Variants in HSD17B6 observed in about 807,000 individuals in gnomAD.
The protein encoded by HSD17B6 is 17-beta-hydroxysteroid dehydrogenase type 6.
Under a neutral mutation model 26.4 loss-of-function variants are expected in HSD17B6, and 16 were observed. That is an observed-to-expected ratio of 0.61 (90% CI 0.41 to 0.92). The LOEUF is 0.92. Among genes scored for constraint, HSD17B6 ranks in the 40% least tolerant of loss-of-function variants. The probability of loss-of-function intolerance (pLI) is 0.00; values close to 1 mark genes in which losing one functional copy is unlikely to be tolerated. For synonymous variants in HSD17B6, 139 were observed against 153.0 expected, an observed-to-expected ratio of 0.91 and a Z score of 0.68; for missense variants, 357 against 386.1, an observed-to-expected ratio of 0.92 and a Z score of 0.63.
At chr12:56,772,681 G>A (rs965765315) in intron 1 of HSD17B6, among the ~76,000 whole-genome samples, 1 of 137,022 alleles carries the variant, frequency 7.3e-6, no homozygotes, top group African/African-American at 2.7e-5. Flanking sequence ...TGGGCAAAAA[G>A]AGTGAAACTC....
At chr12:56,784,704 CGAGGGAGAGGGA>C (rs537252255) in intron 3 of HSD17B6, 137 bp from the exon 4 acceptor site, 18 of 751,544 alleles carry the variant, frequency 2.4e-5, no homozygotes, top group African/African-American at 1.4e-4. Context: ...GAGAGGGAGA[CGAGGGAGAGGGA>C]GAGGGAGAGG....
chr12:56,782,268 C>T (rs780928315), intron 3 of HSD17B6, 36 bp downstream of exon 3: 23 of 1,600,926 alleles, frequency 1.4e-5, no homozygotes, highest in Non-Finnish European at 2.0e-5. Context: ...CTATTGAGCA[C>T]TGAAATATGT....
chr12:56,785,043 A>G, intron 4 of HSD17B6, 27 bp downstream of exon 4: 1 of 1,596,878 alleles, frequency 6.3e-7, no homozygotes, highest in East Asian at 2.2e-5. Flanking sequence ...TGATAGGGAT[A>G]ATGGGTACCC....
intron 1 of HSD17B6, among the ~76,000 whole-genome samples, 194 bp downstream of exon 1, chr12:56,763,608 T>G (rs1592351510): frequency 6.6e-6 from 1 of 152,078 alleles, no homozygotes; most frequent in Non-Finnish European, 1.5e-5. Context: ...GCTTTTTTGA[T>G]CTTTACTCCC....
At chr12:56,786,023 T>C in intron 4 of HSD17B6, 2 of 872,314 alleles carry the variant, frequency 2.3e-6, no homozygotes, top group Non-Finnish European at 2.8e-6. Flanking sequence ...AGGTACAGGG[T>C]TTCTTTTTGG....
chr12:56,763,893 C>T (rs758428846), intron 1 of HSD17B6, among the ~76,000 whole-genome samples: 1 of 151,294 alleles, frequency 6.6e-6, no homozygotes, highest in Non-Finnish European at 1.5e-5. Flanking sequence ...CATGATGAAA[C>T]CCTGTCTCTA....
intron 2 of HSD17B6, 102 bp from the exon 3 acceptor site, chr12:56,781,872 A>T: frequency 8.5e-7 from 1 of 1,175,674 alleles, no homozygotes; most frequent in Non-Finnish European, 1.2e-6. Context: ...GGGGGTGGTT[A>T]GTGGTTATGA....
intron 2 of HSD17B6, among the ~76,000 whole-genome samples, chr12:56,775,318 A>C (rs1220252871): frequency 6.6e-6 from 1 of 152,224 alleles, no homozygotes; most frequent in Non-Finnish European, 1.5e-5. Flanking sequence ...CCTGGGCTCA[A>C]GCAATCTTCC....
chr12:56,786,797 T>C (rs1954884307), intron 4 of HSD17B6, among the ~76,000 whole-genome samples: 1 of 152,088 alleles, frequency 6.6e-6, no homozygotes, highest in African/African-American at 2.4e-5. Context: ...TGCAGTGAGC[T>C]GAGATTGTAC....
intron 2 of HSD17B6, among the ~76,000 whole-genome samples, chr12:56,780,858 A>AG (rs1379548062): frequency 2.6e-5 from 4 of 151,698 alleles, no homozygotes; most frequent in African/African-American, 9.7e-5. Context: ...AAAAAAAAAA[A>AG]AAAAAATTCT....
At chr12:56,766,834 T>C (rs1275155393) in intron 1 of HSD17B6, among the ~76,000 whole-genome samples, 4 of 152,080 alleles carry the variant, frequency 2.6e-5, no homozygotes, top group Non-Finnish European at 4.4e-5. Flanking sequence ...AGGGACGCTG[T>C]CTGTGACTGC....
At chr12:56,765,583 G>C (rs1233031377) in intron 1 of HSD17B6, among the ~76,000 whole-genome samples, 3 of 151,584 alleles carry the variant, frequency 2.0e-5, no homozygotes, top group Admixed American at 6.6e-5. Context: ...CTGCAACCTC[G>C]ACCTCCCAGG....
chr12:56,771,551 C>T (rs773437071), intron 1 of HSD17B6, among the ~76,000 whole-genome samples: 8 of 151,076 alleles, frequency 5.3e-5, no homozygotes, highest in Non-Finnish European at 1.0e-4. Context: ...CTCCACCTCC[C>T]GGGTTCAAGC....
At chr12:56,775,758 T>A (rs1954577823) in intron 2 of HSD17B6, among the ~76,000 whole-genome samples, 1 of 152,182 alleles carries the variant, frequency 6.6e-6, no homozygotes, top group South Asian at 2.1e-4. Context: ...TTCTGTGGGT[T>A]TGAACAAATG....
chr12:56,784,741 C>T (rs1343733482), intron 3 of HSD17B6, 112 bp from the exon 4 acceptor site: 1 of 1,123,184 alleles, frequency 8.9e-7, no homozygotes, highest in Admixed American at 2.3e-5. Flanking sequence ...TTTCTTTATT[C>T]TTTAAAATAT....
chr12:56,779,810 T>TA (rs1370748379), intron 2 of HSD17B6, among the ~76,000 whole-genome samples: 1 of 151,806 alleles, frequency 6.6e-6, no homozygotes, highest in Non-Finnish European at 1.5e-5. Flanking sequence ...CCTTTTTTTT[T>TA]TTTTTTGCTC....
chr12:56,766,973 A>G (rs772695499), intron 1 of HSD17B6, among the ~76,000 whole-genome samples: 1 of 152,192 alleles, frequency 6.6e-6, no homozygotes, highest in Admixed American at 6.5e-5. Flanking sequence ...AACGTAGGCC[A>G]TGGCCTGACC....
At chr12:56,779,444 A>G (rs1358844901) in intron 2 of HSD17B6, among the ~76,000 whole-genome samples, 1 of 151,986 alleles carries the variant, frequency 6.6e-6, no homozygotes, top group Admixed American at 6.6e-5. Context: ...GGCCTTAATT[A>G]TTATGTTTGG....
chr12:56,780,570 C>G (rs539928437), intron 2 of HSD17B6, among the ~76,000 whole-genome samples: 1 of 152,168 alleles, frequency 6.6e-6, no homozygotes, highest in South Asian at 2.1e-4. Context: ...TTAAAAAGTT[C>G]TAAGTGAGGC....
Sources: allele counts gnomAD v4.1 joint callset (sites outside exome capture counted in the v4.1 genomes callset), GRCh38; gene constraint gnomAD v4.1.1; transcripts MANE v1.5; gene names NCBI Gene and HGNC (gene_info 2026-07-23, HGNC 2026-07-21).